Variants in LRRN1 observed in about 807,000 individuals in gnomAD.
LRRN1 encodes leucine-rich repeat neuronal protein 1.
Under a neutral mutation model 45.8 loss-of-function variants are expected in LRRN1, and 14 were observed. That is an observed-to-expected ratio of 0.31 (90% CI 0.20 to 0.48). The LOEUF (loss-of-function observed/expected upper bound fraction) is 0.48. Among genes scored for constraint, LRRN1 ranks in the 20% least tolerant of loss-of-function variants. The pLI, the probability that LRRN1 is intolerant of heterozygous loss-of-function variation, is 0.99. For synonymous variants in LRRN1, 359 were observed against 330.1 expected, an observed-to-expected ratio of 1.09 and a Z score of -0.95; for missense variants, 789 against 874.2, an observed-to-expected ratio of 0.90 and a Z score of 1.23.
At chr3:3,826,261 G>A (rs1693212598) in intron 1 of LRRN1, among the ~76,000 whole-genome samples, 1 of 152,166 alleles carries the variant, frequency 6.6e-6, no homozygotes, top group Non-Finnish European at 1.5e-5. Context: ...TTGCCTCTCT[G>A]AAAATGATTG....
chr3:3,839,068 A>C (rs938452817), intron 1 of LRRN1, among the ~76,000 whole-genome samples: 1 of 152,076 alleles, frequency 6.6e-6, no homozygotes, highest in Non-Finnish European at 1.5e-5. Flanking sequence ...TGTCATATCT[A>C]AGAAACCATT....
Position 3,846,147 on chromosome 3 carries a change from G to C in LRRN1, c.1506G>C (p.Gln502His), listed in dbSNP as rs1283176787. The C allele has an allele frequency of 6.2e-7, 1 of 1,614,136 alleles. No individual in the cohort carries two copies. The highest frequency in any genetic ancestry group is 1.1e-5 in the South Asian group (1 of 91,084). Residue 502 changes from glutamine to histidine, a missense_variant, in exon 2 of 2, where the codon CAG (glutamine) becomes CAC (histidine). By Grantham distance (24) the Gln-to-His change is conservative. Coordinates refer to ENST00000319331, the MANE Select transcript of LRRN1 (RefSeq NM_020873.7). This position sits in a 1 kb window ranked among gnomAD's most constrained non-coding sequence, Gnocchi z 5.7. ...EDSGRYTCVA[Q>H]NVQGADTRVA... ...CAGGAAGATACACATGTGTTGCCCA[G>C]AATGTCCAAGGGGCAGACACTCGGG...
At chr3:3,813,317 A>G (rs1390563903) in intron 1 of LRRN1, among the ~76,000 whole-genome samples, 1 of 152,182 alleles carries the variant, frequency 6.6e-6, no homozygotes, top group African/African-American at 2.4e-5. Flanking sequence ...GATCTTAATT[A>G]TGGTTCATAA....
At chr3:3,831,067 G>A (rs1693362761) in intron 1 of LRRN1, among the ~76,000 whole-genome samples, 2 of 152,188 alleles carry the variant, frequency 1.3e-5, no homozygotes, top group Admixed American at 1.3e-4. Context: ...TGGCCCAAGT[G>A]GCAGAGCACT....
intron 1 of LRRN1, among the ~76,000 whole-genome samples, chr3:3,802,731 C>A: frequency 6.6e-6 from 1 of 152,180 alleles, no homozygotes; most frequent in East Asian, 1.9e-4. Flanking sequence ...CTAATAAACT[C>A]TTAATTTGAC....
At chr3:3,811,579 G>C (rs1692872373) in intron 1 of LRRN1, among the ~76,000 whole-genome samples, 1 of 152,156 alleles carries the variant, frequency 6.6e-6, no homozygotes, top group African/African-American at 2.4e-5. Flanking sequence ...AAAATGAGTA[G>C]TTCATAAACC....
At chr3:3,812,697 A>G (rs549891417) in intron 1 of LRRN1, among the ~76,000 whole-genome samples, 1 of 151,812 alleles carries the variant, frequency 6.6e-6, no homozygotes, top group East Asian at 2.0e-4. Context: ...GTGGCATGTC[A>G]TTGTCTTACA....
At position 3,845,536 on chromosome 3, in the gene LRRN1, G is replaced by A. The variant is rs143195427; in HGVS notation, c.895G>A (p.Glu299Lys). The A allele has an allele frequency of 2.4e-5, 39 of 1,613,876 alleles. No individual in the cohort carries two copies. Among genetic ancestry groups the A allele is most frequent in the Admixed American group, 1.7e-4 (10 of 59,988 alleles). Residue 299 changes from glutamate (E) to lysine (K), a missense_variant, in exon 2 of 2, where the codon GAG (glutamate) becomes AAG (lysine). Physicochemically the swap from Glu to Lys is moderately conservative, Grantham distance 56 (BLOSUM62 1). Transcript: ENST00000319331. The surrounding 1 kb of genome is among the most constrained non-coding windows in gnomAD (Gnocchi z 6.5). ...LKELGINNMG[E>K]LVSVDRYALD... ...AGAACTGGGAATCAACAATATGGGC[G>A]AGCTCGTTTCTGTCGACCGCTATGC... is the stretch of plus-strand genomic sequence containing the variant.
chr3:3,822,456 G>A (rs1056284884), intron 1 of LRRN1, among the ~76,000 whole-genome samples: 3 of 152,168 alleles, frequency 2.0e-5, no homozygotes, highest in Non-Finnish European at 4.4e-5. Flanking sequence ...CTAAATCACT[G>A]AGATGGATAT....
intron 1 of LRRN1, among the ~76,000 whole-genome samples, chr3:3,807,323 T>G (rs1371052305): frequency 6.6e-6 from 1 of 152,210 alleles, no homozygotes; most frequent in Non-Finnish European, 1.5e-5. Context: ...ATGGACTGCC[T>G]AGAATAGATG....
intron 1 of LRRN1, among the ~76,000 whole-genome samples, chr3:3,820,366 C>G (rs1408687586): frequency 6.6e-6 from 1 of 152,152 alleles, no homozygotes. Context: ...ATCAAAAGCT[C>G]TTAATTTCTA....
At chr3:3,800,097 G>A (rs1180571805) in intron 1 of LRRN1, among the ~76,000 whole-genome samples, 178 bp downstream of exon 1, 4 of 148,044 alleles carry the variant, frequency 2.7e-5, no homozygotes, top group African/African-American at 2.5e-5. Flanking sequence ...ACGAAGTCGG[G>A]AAACGAGAAT....
At chr3:3,834,332 C>T (rs1693437111) in intron 1 of LRRN1, among the ~76,000 whole-genome samples, 1 of 151,282 alleles carries the variant, frequency 6.6e-6, no homozygotes, top group Non-Finnish European at 1.5e-5. Context: ...AAATAGTTTA[C>T]AACAACGACT....
Position 3,845,546 on chromosome 3 carries a change from C to T in LRRN1, c.905C>T (p.Ser302Phe). The T allele has an allele frequency of 6.2e-7, 1 of 1,614,112 alleles. No homozygotes were observed. Among genetic ancestry groups the T allele is most frequent in the Non-Finnish European group, 8.5e-7 (1 of 1,180,014 alleles). ...LGINNMGELV[S>F]VDRYALDNLP... The stretch of plus-strand genomic sequence containing the variant: ...ATCAACAATATGGGCGAGCTCGTTT[C>T]TGTCGACCGCTATGCCCTGGATAAC... The change falls in exon 2 of 2, where the codon TCT becomes TTT. Residue 302 changes from serine (S) to phenylalanine (F), a missense_variant. Physicochemically the swap from Ser to Phe is radical, Grantham distance 155 (BLOSUM62 -2). Coordinates refer to ENST00000319331, the MANE Select transcript of LRRN1 (RefSeq NM_020873.7). The surrounding 1 kb of genome is among the most constrained non-coding windows in gnomAD (Gnocchi z 6.5).
At chr3:3,821,153 G>A (rs942890730) in intron 1 of LRRN1, among the ~76,000 whole-genome samples, 7 of 152,192 alleles carry the variant, frequency 4.6e-5, no homozygotes, top group Non-Finnish European at 1.0e-4. Context: ...CCAGATTCAT[G>A]AACAACTAAG....
At chr3:3,806,399 T>C (rs1161988020) in intron 1 of LRRN1, among the ~76,000 whole-genome samples, 1 of 152,194 alleles carries the variant, frequency 6.6e-6, no homozygotes, top group African/African-American at 2.4e-5. Flanking sequence ...CAGAACAGGC[T>C]TTCACCTGCC....
In LRRN1 at chr3:3,845,821, C is replaced by T. The variant is rs773841345; in HGVS notation, c.1180C>T (p.Pro394Ser). ...SNKTNIRFME[P>S]LSMFCAMPPE... ...CAAAACCAACATCCGCTTCATGGAG[C>T]CCCTGTCCATGTTCTGTGCCATGCC... Residue 394 changes from proline to serine, a missense_variant, in exon 2 of 2, where the codon CCC becomes TCC. Pro to Ser is a moderately conservative substitution (Grantham distance 74, BLOSUM62 -1). Coordinates refer to ENST00000319331, the MANE Select transcript of LRRN1 (RefSeq NM_020873.7). The surrounding 1 kb of genome is among the most constrained non-coding windows in gnomAD (Gnocchi z 6.5). 4.3e-6 allele frequency: 7 copies of T among 1,614,144 alleles called. No individual in the cohort carries two copies. Among genetic ancestry groups the T allele is most frequent in the Non-Finnish European group, 5.9e-6 (7 of 1,180,026 alleles).
intron 1 of LRRN1, among the ~76,000 whole-genome samples, chr3:3,835,971 G>A (rs1693501420): frequency 6.6e-6 from 1 of 152,080 alleles, no homozygotes; most frequent in Admixed American, 6.6e-5. Flanking sequence ...TTAATTAAAG[G>A]ATTGTTTCTT....
chr3:3,845,327 A>C lies in LRRN1; in HGVS notation c.686A>C (p.Asp229Ala). 1 of 1,614,038 alleles carries C rather than the reference A, an allele frequency of 6.2e-7. No individual in the cohort carries two copies. The highest frequency in any genetic ancestry group is 1.3e-5 in the African/African-American group (1 of 75,016). ...GTTTTGGCAGGAATGTATCTCACTG[A>C]TATTCCTGGAAATGCTTTGGTGGGT... ...SLVLAGMYLT[D>A]IPGNALVGLD... The change falls in exon 2 of 2, where the codon GAT (aspartate) becomes GCT (alanine). Residue 229 changes from aspartate (D) to alanine (A), a missense_variant. Physicochemically the swap from Asp to Ala is moderately radical, Grantham distance 126 (BLOSUM62 -2). Transcript: ENST00000319331. The surrounding 1 kb of genome is among the most constrained non-coding windows in gnomAD (Gnocchi z 6.5).
Sources: allele counts gnomAD v4.1 joint callset (sites outside exome capture counted in the v4.1 genomes callset), GRCh38; gene constraint gnomAD v4.1.1; non-coding constraint Gnocchi (gnomAD v3.1); transcripts MANE v1.5; gene names NCBI Gene and HGNC (gene_info 2026-07-23, HGNC 2026-07-21).